KAZN: variants seen among roughly 807,000 people sequenced by gnomAD.
KAZN encodes the protein kazrin, periplakin interacting protein.
A neutral mutation model predicts 87.4 loss-of-function variants in KAZN; 40 were observed. The observed-to-expected ratio is 0.46, with a 90% confidence interval of 0.36 to 0.60. The LOEUF (loss-of-function observed/expected upper bound fraction) is 0.60. Among genes scored for constraint, KAZN ranks in the 20% least tolerant of loss-of-function variants. The pLI, the probability that KAZN is intolerant of heterozygous loss-of-function variation, is 0.00. For synonymous variants in KAZN, 466 were observed against 458.3 expected (o/e 1.02, Z -0.22); for missense variants, 898 against 1,073.9 (o/e 0.84, Z 2.29).
Position 14,858,203 on chromosome 1 carries a change from C to CTTTTTTTTTTTTTTTTTTTTTTTTT in KAZN, c.227-102476_227-102475insTTTTTTTTTTTTTTTTTTTTTTTTT, listed in dbSNP as rs1388659468. Reference sequence around the variant, plus strand: ...ACATTTCTTTCTTTTTTTCTTTTTTCTTTTTCTTTTCTTTTTTTTTTTTTT... The same window carrying CTTTTTTTTTTTTTTTTTTTTTTTTT: ...ACATTTCTTTCTTTTTTTCTTTTTTCTTTTTTTTTTTTTTTTTTTTTTTTTTTTTTCTTTTCTTTTTTTTTTTTTT... On this transcript the variant is annotated intron_variant, in intron 1 of 14. Transcript: ENST00000376030. 1.1e-4 allele frequency among the ~76,000 whole-genome samples: 10 copies of CTTTTTTTTTTTTTTTTTTTTTTTTT among 95,102 alleles called. 1 individual carries two copies. Among genetic ancestry groups the CTTTTTTTTTTTTTTTTTTTTTTTTT allele is most frequent in the African/African-American group, 4.8e-4 (9 of 18,896 alleles). The allele number at this position is 95,102 out of a possible 152,430, so 62.4% of individuals were successfully genotyped here.
At chr1:14,982,333 C>A (rs535846831) in intron 2 of KAZN, among the ~76,000 whole-genome samples, 1 of 145,558 alleles carries the variant, frequency 6.9e-6, no homozygotes, top group South Asian at 2.4e-4. Flanking sequence ...TGGATGTGGG[C>A]GGGCTTGGGC....
intron 1 of KAZN, among the ~76,000 whole-genome samples, chr1:14,915,600 C>A (rs947035175): frequency 4.6e-5 from 7 of 152,228 alleles, no homozygotes; most frequent in Non-Finnish European, 8.8e-5. Flanking sequence ...TGAGTCCCCC[C>A]TCTTTATGAA....
chr1:14,149,098 TCTTTCC>T (rs1645416445), intron 1 of KAZN, among the ~76,000 whole-genome samples: 18 of 81,912 alleles, frequency 2.2e-4, no homozygotes, highest in African/African-American at 1.9e-4. Context: ...TTCCTTTCTT[TCTTTCC>T]TTTTTTTTTT....
At chr1:14,593,956 A>G (rs1676346108), upstream of KAZN, among the ~76,000 whole-genome samples, 1 of 152,194 alleles carries the variant, frequency 6.6e-6, no homozygotes, top group Admixed American at 6.5e-5. Flanking sequence ...GACCCTGGTT[A>G]AATTCTTCCC....
chr1:13,973,500 C>T (rs1026615388), intron 1 of KAZN, among the ~76,000 whole-genome samples: 2 of 152,230 alleles, frequency 1.3e-5, no homozygotes, highest in Non-Finnish European at 2.9e-5. Context: ...ATCTCTGGCT[C>T]TGATCAGGCA....
chr1:14,641,834 A>T (rs1680429071), intron 1 of KAZN, among the ~76,000 whole-genome samples: 2 of 152,276 alleles, frequency 1.3e-5, no homozygotes, highest in South Asian at 4.1e-4. Context: ...CATCAAAATT[A>T]AAAACTTCTT....
At chr1:13,940,161 A>G (rs1640876467) in intron 1 of KAZN, among the ~76,000 whole-genome samples, 2 of 152,172 alleles carry the variant, frequency 1.3e-5, no homozygotes, top group South Asian at 4.1e-4. Flanking sequence ...ATGAGTTAGG[A>G]GGATTCCCTC....
intron 2 of KAZN, among the ~76,000 whole-genome samples, chr1:14,281,859 C>T (rs986594090): frequency 1.3e-5 from 2 of 152,148 alleles, no homozygotes; most frequent in Non-Finnish European, 2.9e-5. Context: ...ACAGTTTCCA[C>T]GAGGGTGACT....
chr1:14,180,059 G>A (rs1646163700), intron 1 of KAZN, among the ~76,000 whole-genome samples: 1 of 152,020 alleles, frequency 6.6e-6, no homozygotes. Context: ...GTCCTCTCAT[G>A]CCCCGTTAAT....
At chr1:14,109,576 G>T (rs916847681) in intron 1 of KAZN, among the ~76,000 whole-genome samples, 4 of 152,116 alleles carry the variant, frequency 2.6e-5, no homozygotes, top group Admixed American at 1.3e-4. Flanking sequence ...TGTCCTTTCT[G>T]CTATGTCAAG....
intron 1 of KAZN, among the ~76,000 whole-genome samples, chr1:14,865,461 C>A (rs1205592912): frequency 6.6e-6 from 1 of 152,152 alleles, no homozygotes; most frequent in African/African-American, 2.4e-5. Flanking sequence ...CCTGGTCTCC[C>A]TCCTCCCCCA....
At chr1:14,781,435 G>A (rs1645347044) in intron 1 of KAZN, among the ~76,000 whole-genome samples, 1 of 152,216 alleles carries the variant, frequency 6.6e-6, no homozygotes, top group African/African-American at 2.4e-5. Context: ...GAATTACTGT[G>A]TTTTCTAAGC....
chr1:14,440,214 G>C (rs1245206412), intron 2 of KAZN, among the ~76,000 whole-genome samples: 2 of 152,188 alleles, frequency 1.3e-5, no homozygotes, highest in African/African-American at 4.8e-5. Context: ...TAATGACCAT[G>C]ACTTTGACAA....
At chr1:15,046,142 A>G (rs970650266) in intron 4 of KAZN, among the ~76,000 whole-genome samples, 1 of 152,124 alleles carries the variant, frequency 6.6e-6, no homozygotes, top group African/African-American at 2.4e-5. Flanking sequence ...TACTAAAAAT[A>G]CAAAAATTAG....
intron 1 of KAZN, among the ~76,000 whole-genome samples, chr1:14,630,834 A>G (rs1020893571): frequency 1.3e-5 from 2 of 152,140 alleles, no homozygotes; most frequent in Non-Finnish European, 2.9e-5. Flanking sequence ...AACCTCTCTG[A>G]AGCTTTGTTT....
At chr1:14,904,556 C>A (rs961622593) in intron 1 of KAZN, among the ~76,000 whole-genome samples, 22 of 152,218 alleles carry the variant, frequency 1.4e-4, no homozygotes, top group African/African-American at 5.3e-4. Flanking sequence ...TGTCTGCACG[C>A]ACTCCAGGCA....
intron 1 of KAZN, among the ~76,000 whole-genome samples, chr1:13,916,687 A>AG (rs2100887032): frequency 6.6e-6 from 1 of 152,282 alleles, no homozygotes; most frequent in African/African-American, 2.4e-5. Context: ...GCTGAACTGC[A>AG]GGGGGAGTTC....
chr1:14,022,394 T>C (rs918100191), intron 1 of KAZN, among the ~76,000 whole-genome samples: 2 of 141,696 alleles, frequency 1.4e-5, no homozygotes, highest in Non-Finnish European at 3.0e-5. Flanking sequence ...CAATAAATGA[T>C]AACAATCTTG....
At chr1:15,063,536 C>G in intron 6 of KAZN, 36 bp from the exon 7 acceptor site, 1 of 1,595,720 alleles carries the variant, frequency 6.3e-7, no homozygotes, top group Non-Finnish European at 8.6e-7. Flanking sequence ...TCACCTGTCT[C>G]TGCTGTTTCA....
Sources: gnomAD v4.1 joint callset for allele counts (sites outside exome capture counted in the v4.1 genomes callset) on GRCh38, gnomAD v4.1.1 for gene constraint, MANE v1.5 for transcripts, NCBI Gene and HGNC (gene_info 2026-07-23, HGNC 2026-07-21) for gene names.